CXCR5: variants seen among roughly 807,000 people sequenced by gnomAD.
The protein encoded by CXCR5 is C-X-C chemokine receptor type 5.
In CXCR5, 3 loss-of-function variants were observed where a neutral mutation model predicts 5.6. The ratio of observed to expected loss-of-function variants is 0.54; its 90% CI spans 0.24 to 1.39. The LOEUF (loss-of-function observed/expected upper bound fraction) is 1.39, where lower values mean the gene tolerates loss of function less well. Ranked by LOEUF, CXCR5 falls within the 40% of genes most tolerant of loss-of-function variation. The probability of loss-of-function intolerance (pLI) is 0.16; values close to 1 mark genes in which losing one functional copy is unlikely to be tolerated. For synonymous variants in CXCR5, 218 were observed against 219.9 expected, an observed-to-expected ratio of 0.99 and a Z score of 0.08; for missense variants, 333 against 494.6, an observed-to-expected ratio of 0.67 and a Z score of 3.10.
In CXCR5 at chr11:118,889,299, A is replaced by G. The variant is rs537593325; in HGVS notation, c.52-4297A>G. ...TCTGCTGGGTGCCTGTCTAGGCCAC[A>G]TGCTGGTGTGGCCCATCTTGGCACC... is the stretch of plus-strand genomic sequence containing the variant. On this transcript the variant is annotated intron_variant, in intron 1 of 1. Coordinates refer to ENST00000292174, the MANE Select transcript of CXCR5 (RefSeq NM_001716.5). Among the ~76,000 whole-genome samples the G allele has an allele frequency of 1.7e-3, 260 of 152,332 alleles. 3 individuals carry two copies. The highest frequency in any genetic ancestry group is 6.1e-3 in the African/African-American group (254 of 41,580).
chr11:118,892,668 G>C (rs865993215), intron 1 of CXCR5, among the ~76,000 whole-genome samples: 8 of 127,368 alleles, frequency 6.3e-5, no homozygotes, highest in Non-Finnish European at 8.5e-5. Context: ...CTGGGGTGAT[G>C]GGGGGGGGGT....
At position 118,893,874 on chromosome 11, in the gene CXCR5, G is replaced by A. The variant is rs1235353766; in HGVS notation, c.330G>A (p.Glu110=). The part of the protein sequence containing the change: ...LVFILPFAVA[E]GSVGWVLGTF... ...TCATCTTGCCCTTTGCCGTGGCCGA[G>A]GGCTCTGTGGGCTGGGTCCTGGGGA... The change falls in exon 2 of 2, where the codon GAG becomes GAA. Residue 110 remains glutamate, a synonymous_variant. Transcript: ENST00000292174. This position sits in a 1 kb window ranked among gnomAD's most constrained non-coding sequence, Gnocchi z 5.7. The A allele has an allele frequency of 5.6e-6, 9 of 1,614,040 alleles. No homozygotes were observed. Among genetic ancestry groups the A allele is most frequent in the Non-Finnish European group, 7.6e-6 (9 of 1,180,056 alleles).
rs1939914288 is a variant in CXCR5 at position 118,896,244 on chromosome 11, A to G, written c.*1581A>G. 1 of 166,374 alleles carries G rather than the reference A, an allele frequency of 6.0e-6. No homozygotes were observed. The highest frequency in any genetic ancestry group is 1.5e-5 in the Non-Finnish European group (1 of 68,060). The allele number at this position is 166,374 out of a possible 1,614,324, so 10.3% of individuals were successfully genotyped here. A position where few individuals can be genotyped will look rare whatever the true frequency, so the allele number is the denominator to read the frequency against. On this transcript the variant is annotated 3_prime_UTR_variant, in exon 2 of 2. Coordinates refer to ENST00000292174, the MANE Select transcript of CXCR5 (RefSeq NM_001716.5). ...AGCCTAAAAATTGTTTCAAAATAAA[A>G]ACCAAGAAGATGTCTTCACATATTG...
intron 1 of CXCR5, among the ~76,000 whole-genome samples, chr11:118,892,767 T>C (rs1939833778): frequency 3.9e-5 from 6 of 152,048 alleles, no homozygotes; most frequent in Admixed American, 3.9e-4. Flanking sequence ...GCTCTCTCCT[T>C]CTCTCCTGCC....
chr11:118,884,154 T>G (rs890379407), intron 1 of CXCR5, among the ~76,000 whole-genome samples, 162 bp downstream of exon 1: 1 of 152,164 alleles, frequency 6.6e-6, no homozygotes, highest in Non-Finnish European at 1.5e-5. Context: ...AGAGTTTATT[T>G]TCCATTCTGT....
intron 1 of CXCR5, among the ~76,000 whole-genome samples, chr11:118,889,954 A>C (rs1939781799): frequency 6.6e-6 from 1 of 152,162 alleles, no homozygotes; most frequent in South Asian, 2.1e-4. Context: ...GGCTGGCTGG[A>C]CCTAAGCCCT....
chr11:118,889,470 G>T lies in CXCR5; in HGVS notation c.52-4126G>T, dbSNP rs562188308. Among the ~76,000 whole-genome samples the T allele has an allele frequency of 2.0e-3, 306 of 152,330 alleles. 1 individual carries two copies. Among genetic ancestry groups the T allele is most frequent in the African/African-American group, 6.5e-3 (272 of 41,562 alleles). On this transcript the variant is annotated intron_variant, in intron 1 of 1. Coordinates refer to ENST00000292174, the MANE Select transcript of CXCR5 (RefSeq NM_001716.5). ...CTCCCTCTGGGCATGGGATTGGAGG[G>T]CTTCCTTCAGCAGCACATGCCCCAT...
intron 1 of CXCR5, chr11:118,886,659 G>C: frequency 1.0e-5 from 3 of 298,054 alleles, no homozygotes; most frequent in Non-Finnish European, 1.3e-5. Flanking sequence ...TGCGACCCTC[G>C]ATCTGAGAGC....
At chr11:118,886,702 G>T (rs1347756612) in intron 1 of CXCR5, 1 of 268,142 alleles carries the variant, frequency 3.7e-6, no homozygotes. Context: ...CTGGGCTGGG[G>T]CATCCACAGA....
At chr11:118,887,194 A>G (rs1293891509) in intron 1 of CXCR5, 1 of 967,352 alleles carries the variant, frequency 1.0e-6, no homozygotes, top group African/African-American at 1.8e-5. Flanking sequence ...CCAGGGACGC[A>G]GGCTGCAGCT....
chr11:118,894,979 C>G lies in CXCR5; in HGVS notation c.*316C>G, dbSNP rs676925. On this transcript the variant is annotated 3_prime_UTR_variant, in exon 2 of 2. Transcript: ENST00000292174. This position sits in a 1 kb window ranked among gnomAD's most constrained non-coding sequence, Gnocchi z 6.1. ...CCTCCCATCCTAATCATCCAATGCT[C>G]AAGAAACAACTTCTACTTCTGCCCT... 63,753 of 300,020 alleles carry G rather than the reference C, an allele frequency of 0.21. 8,263 individuals carry two copies. The highest frequency in any genetic ancestry group is 0.38 in the Admixed American group (7,434 of 19,810). The allele number at this position is 300,020 out of a possible 1,614,324, so 18.6% of individuals were successfully genotyped here.
At chr11:118,884,139 C>T in intron 1 of CXCR5, 147 bp downstream of exon 1, 1 of 772,194 alleles carries the variant, frequency 1.3e-6, no homozygotes, top group Non-Finnish European at 2.2e-6. Context: ...AGCTCCCGCC[C>T]TTTAAGAGTT....
At position 118,896,996 on chromosome 11, in the gene CXCR5, G is replaced by A. The variant is rs1008122141; in HGVS notation, c.*2333G>A. 1 of 153,044 alleles carries A rather than the reference G, an allele frequency of 6.5e-6. No individual in the cohort carries two copies. Among genetic ancestry groups the A allele is most frequent in the African/African-American group, 2.4e-5 (1 of 41,464 alleles). 9.5% of individuals were successfully genotyped at this position (153,044 alleles called of 1,614,324 possible). On this transcript the variant is annotated 3_prime_UTR_variant, in exon 2 of 2. Coordinates refer to ENST00000292174, the MANE Select transcript of CXCR5 (RefSeq NM_001716.5). ...TCCTGGGTAGGAGCAGGGAGCCAAG[G>A]GGGAGGCAGTGGCTGTGCCTGGGTG... is the stretch of plus-strand genomic sequence containing the variant.
At position 118,897,362 on chromosome 11, in the gene CXCR5, C is replaced by T. The variant is rs1939956444; in HGVS notation, c.*2699C>T. ...TCTTCCTCCTTTCCTTCATCCCAAA[C>T]TGGGACAAAAGACTTCAAGTTCTGG... On this transcript the variant is annotated 3_prime_UTR_variant, in exon 2 of 2. Coordinates refer to ENST00000292174, the MANE Select transcript of CXCR5 (RefSeq NM_001716.5). 1.1e-5 allele frequency: 2 copies of T among 179,194 alleles called. No homozygotes were observed. Among genetic ancestry groups the T allele is most frequent in the African/African-American group, 4.8e-5 (2 of 41,606 alleles). The allele number at this position is 179,194 out of a possible 1,614,324, so 11.1% of individuals were successfully genotyped here.
At chr11:118,887,588 G>A (rs186196696) in intron 1 of CXCR5, 7 of 271,148 alleles carry the variant, frequency 2.6e-5, no homozygotes, top group South Asian at 1.4e-4. Flanking sequence ...CTGTGGGTGC[G>A]GCAAGGGAGA....
chr11:118,894,184 G>A lies in CXCR5; in HGVS notation c.640G>A (p.Ala214Thr). The A allele has an allele frequency of 6.2e-7, 1 of 1,614,108 alleles. No individual in the cohort carries two copies. The highest frequency in any genetic ancestry group is 8.5e-7 in the Non-Finnish European group (1 of 1,180,040). Residue 214 changes from alanine to threonine, a missense_variant, in exon 2 of 2, where the codon GCC becomes ACC. Coordinates refer to ENST00000292174, the MANE Select transcript of CXCR5 (RefSeq NM_001716.5). The surrounding 1 kb of genome is among the most constrained non-coding windows in gnomAD (Gnocchi z 6.1). ...CCAAGAGAACCAAGCAGAAACGCATGCCTGGTTCACCTCCCGATTCCTCTA... is the reference window on the plus strand; with the variant it reads ...CCAAGAGAACCAAGCAGAAACGCATACCTGGTTCACCTCCCGATTCCTCTA... ...FSQENQAETH[A>T]WFTSRFLYHV...
chr11:118,894,416 A>G lies in CXCR5; in HGVS notation c.872A>G (p.Asp291Gly), dbSNP rs1421251162. Residue 291 changes from aspartate to glycine, a missense_variant, in exon 2 of 2, where the codon GAC becomes GGC. Coordinates refer to ENST00000292174, the MANE Select transcript of CXCR5 (RefSeq NM_001716.5). The surrounding 1 kb of genome is among the most constrained non-coding windows in gnomAD (Gnocchi z 6.1). ...LDTLARLKAV[D>G]NTCKLNGSLP... ...ACCCTGGCGAGGCTGAAGGCCGTGG[A>G]CAATACCTGCAAGCTGAATGGCTCT... 2 of 1,614,212 alleles carry G rather than the reference A, an allele frequency of 1.2e-6. No homozygotes were observed. Among genetic ancestry groups the G allele is most frequent in the Admixed American group, 1.7e-5 (1 of 60,028 alleles).
intron 1 of CXCR5, among the ~76,000 whole-genome samples, chr11:118,890,218 TG>T (rs1939786842): frequency 1.3e-5 from 2 of 152,192 alleles, no homozygotes; most frequent in African/African-American, 4.8e-5. Context: ...AGTGAGTCCC[TG>T]CAGAGGCACT....
Position 118,893,653 on chromosome 11 carries a change from C to A in CXCR5, c.109C>A (p.Leu37Ile). ...YNDTSLVENH[L>I]CPATEGPLMA... ...CGACACCTCCCTGGTGGAAAATCAT[C>A]TCTGCCCTGCCACAGAGGGGCCCCT... The change falls in exon 2 of 2, where the codon CTC (leucine) becomes ATC (isoleucine). Residue 37 changes from leucine to isoleucine, a missense_variant. Physicochemically the swap from Leu to Ile is conservative, Grantham distance 5. Transcript: ENST00000292174. The surrounding 1 kb of genome is among the most constrained non-coding windows in gnomAD (Gnocchi z 5.7). The A allele has an allele frequency of 1.2e-6, 2 of 1,612,766 alleles. No individual in the cohort carries two copies. The highest frequency in any genetic ancestry group is 1.7e-6 in the Non-Finnish European group (2 of 1,178,902).
Sources: gnomAD v4.1 joint callset for allele counts (sites outside exome capture counted in the v4.1 genomes callset) on GRCh38, gnomAD v4.1.1 for gene constraint, Gnocchi (gnomAD v3.1) non-coding constraint, MANE v1.5 for transcripts, NCBI Gene and HGNC (gene_info 2026-07-23, HGNC 2026-07-21) for gene names.